Variants in MUC6 observed in about 807,000 individuals in gnomAD.
MUC6 encodes the protein mucin 6, oligomeric mucus/gel-forming (gene/pseudogene).
In MUC6, 188 loss-of-function variants were observed where a neutral mutation model predicts 201.5. That is an observed-to-expected ratio of 0.93 (90% CI 0.83 to 1.05). The LOEUF is 1.05. MUC6 is among the 50% of genes least tolerant of loss of function. The probability of loss-of-function intolerance (pLI) is 0.00; values close to 1 mark genes in which losing one functional copy is unlikely to be tolerated. For missense variants in MUC6, 2,706 were observed against 3,256.9 expected, an observed-to-expected ratio of 0.83 and a Z score of 4.12; for synonymous variants, 1,228 against 1,389.4, an observed-to-expected ratio of 0.88 and a Z score of 2.58.
intron 30 of MUC6, 96 bp downstream of exon 30, chr11:1,019,179 T>TA: frequency 7.3e-7 from 1 of 1,370,788 alleles, no homozygotes; most frequent in South Asian, 1.3e-5. Flanking sequence ...CTCTGGGAAA[T>TA]ACGGGGTCTT....
In MUC6 at chr11:1,024,122, G is replaced by A. The variant is rs763129760; in HGVS notation, c.3226-19C>T. 19 of 1,606,630 alleles carry A rather than the reference G, an allele frequency of 1.2e-5. No homozygotes were observed. Among genetic ancestry groups the A allele is most frequent in the Non-Finnish European group, 1.4e-5 (17 of 1,176,872 alleles). On this transcript the variant is annotated intron_variant, in intron 24 of 32. Transcript: ENST00000421673. ...GGTATACCTGCAGGGGTGTGTGCCA[G>A]TCAGTGTCTGGCTGCCGGGGGATGG...
At chr11:1,031,460 G>C (rs1857103071) in intron 4 of MUC6, 147 bp downstream of exon 4, 1 of 1,319,482 alleles carries the variant, frequency 7.6e-7, no homozygotes, top group Non-Finnish European at 1.0e-6. Flanking sequence ...TTGCTGGTCA[G>C]GGGTCAGCAC....
rs760912439 is a variant in MUC6 at position 1,027,790 on chromosome 11, C to T, written c.1876G>A (p.Glu626Lys). ...GCACAGATGTGGGGAAAGGTCTCCT[C>T]GTAGTTGCAGGCCTGGTACACGCAC... is the stretch of plus-strand genomic sequence containing the variant. ...KRCVYQACNY[E>K]ETFPHICAAL... Residue 626 changes from glutamate to lysine, a missense_variant, in exon 16 of 33, where the codon GAG becomes AAG. Coordinates refer to ENST00000421673, the MANE Select transcript of MUC6 (RefSeq NM_005961.3). 44 of 1,611,048 alleles carry T rather than the reference C, an allele frequency of 2.7e-5. No homozygotes were observed. The highest frequency in any genetic ancestry group is 1.8e-4 in the Admixed American group (11 of 59,820).
chr11:1,022,271 G>A (rs1210900151), intron 26 of MUC6, among the ~76,000 whole-genome samples: 4 of 120,298 alleles, frequency 3.3e-5, no homozygotes, highest in Admixed American at 8.9e-5. Context: ...CGCCCCACTC[G>A]CTCCTTCTGC....
At chr11:1,022,305 C>T (rs1203883776) in intron 26 of MUC6, among the ~76,000 whole-genome samples, 1 of 147,900 alleles carries the variant, frequency 6.8e-6, no homozygotes, top group Non-Finnish European at 1.5e-5. Context: ...GCGCCCCTCA[C>T]TCACTCCATC....
chr11:1,025,285 G>T lies in MUC6; in HGVS notation c.2882C>A (p.Ala961Glu), dbSNP rs754710166. ...PHVQLGVTPG[A>E]LSLVVDISIP... ...GCTGATGTCCACGACAAGGCTCAGC[G>T]CACCCGGCGTCACCCCGAGCTGCAC... is the stretch of plus-strand genomic sequence containing the variant. Residue 961 changes from alanine to glutamate, a missense_variant, in exon 23 of 33, where the codon GCG becomes GAG. Around this residue, in one of 10 missense-constraint regions of MUC6, gnomAD observed 1,850 missense variants for 1,958.3 expected, o/e 0.94. Coordinates refer to ENST00000421673, the MANE Select transcript of MUC6 (RefSeq NM_005961.3). 6 of 1,612,638 alleles carry T rather than the reference G, an allele frequency of 3.7e-6. No individual in the cohort carries two copies. The highest frequency in any genetic ancestry group is 3.3e-5 in the South Asian group (3 of 91,092).
At chr11:1,030,366 T>TGGCCCCCCCCC in intron 7 of MUC6, 31 bp from the exon 8 acceptor site, 2 of 1,489,580 alleles carry the variant, frequency 1.3e-6, no homozygotes, top group Non-Finnish European at 1.8e-6. Context: ...GGTGAGAGGG[T>TGGCCCCCCCCC]CCCACCCCCC....
chr11:1,028,605 G>A (rs755734020), intron 13 of MUC6, 41 bp downstream of exon 13: 3 of 1,595,142 alleles, frequency 1.9e-6, no homozygotes, highest in Non-Finnish European at 2.6e-6. Flanking sequence ...AGACCCTGTA[G>A]GGATGAGGCA....
Position 1,017,675 on chromosome 11 carries a change from G to A in MUC6, c.5126C>T (p.Thr1709Ile). The change falls in exon 31 of 33, where the codon ACT (threonine) becomes ATT (isoleucine). Residue 1709 changes from threonine (T) to isoleucine (I), a missense_variant. Physicochemically the swap from Thr to Ile is moderately conservative, Grantham distance 89. Around this residue, in one of 10 missense-constraint regions of MUC6, gnomAD observed 32 missense variants for 181.6 expected, o/e 0.18. Transcript: ENST00000421673. Reference protein sequence around the residue: ...SSTHHAEATSTSTTNITPNPT... With the variant: ...SSTHHAEATSISTTNITPNPT... ...GTTGGGGGTGATGTTGGTGGTAGAA[G>A]TTGAGGTGGCTTCAGCATGGTGTGT... is the stretch of plus-strand genomic sequence containing the variant. 1 of 1,514,246 alleles carries A rather than the reference G, an allele frequency of 6.6e-7. No homozygotes were observed. Among genetic ancestry groups the A allele is most frequent in the Non-Finnish European group, 8.9e-7 (1 of 1,124,334 alleles). 93.8% of individuals were successfully genotyped at this position (1,514,246 alleles called of 1,614,324 possible).
chr11:1,025,625 A>C (rs967785101), intron 22 of MUC6, among the ~76,000 whole-genome samples, 180 bp downstream of exon 22: 1 of 152,160 alleles, frequency 6.6e-6, no homozygotes, highest in African/African-American at 2.4e-5. Context: ...TGTGGGGCAC[A>C]AGCACCCGTG....
intron 25 of MUC6, 30 bp from the exon 26 acceptor site, chr11:1,023,682 G>T (rs72842416): frequency 6.2e-7 from 1 of 1,607,838 alleles, no homozygotes; most frequent in Admixed American, 1.7e-5. Context: ...CAGCTGGTGG[G>T]GTTCCTGGCC....
intron 31 of MUC6, 124 bp downstream of exon 31, chr11:1,015,638 G>A: frequency 7.1e-7 from 1 of 1,417,632 alleles, no homozygotes; most frequent in Non-Finnish European, 9.2e-7. Context: ...GTGTAGGGAA[G>A]GCAGGGAACA....
At position 1,023,976 on chromosome 11, in the gene MUC6, C is replaced by G; in HGVS notation, c.3353G>C (p.Cys1118Ser). ...YAQACLDKGV[C>S]VDWRTPAFCP... ...GAAGGCCGGGGTCCTCCAGTCCACG[C>G]ACACACCCTTGTCCAGACAGGCTTG... is the stretch of plus-strand genomic sequence containing the variant. Residue 1118 changes from cysteine (C) to serine (S), a missense_variant, in exon 25 of 33, where the codon TGC becomes TCC. Coordinates refer to ENST00000421673, the MANE Select transcript of MUC6 (RefSeq NM_005961.3). 6.2e-7 allele frequency: 1 copy of G among 1,612,800 alleles called. No individual in the cohort carries two copies. Among genetic ancestry groups the G allele is most frequent in the Non-Finnish European group, 8.5e-7 (1 of 1,179,688 alleles).
chr11:1,021,333 C>G, intron 26 of MUC6, 56 bp from the exon 27 acceptor site: 13 of 1,069,006 alleles, frequency 1.2e-5, no homozygotes, highest in Non-Finnish European at 1.7e-5. Context: ...GGCCCACCTG[C>G]GTGTTTCCTG....
At chr11:1,024,259 G>A (rs1321533397) in intron 24 of MUC6, among the ~76,000 whole-genome samples, 156 bp from the exon 25 acceptor site, 1 of 152,156 alleles carries the variant, frequency 6.6e-6, no homozygotes, top group Non-Finnish European at 1.5e-5. Flanking sequence ...AGCCCTGACC[G>A]CTAGCCACGC....
intron 2 of MUC6, among the ~76,000 whole-genome samples, 199 bp downstream of exon 2, chr11:1,032,814 A>G (rs747014786): frequency 2.9e-5 from 4 of 139,890 alleles, no homozygotes. Context: ...GTACATGTGT[A>G]TGCGTGTGTC....
chr11:1,018,676 TGG>T lies in MUC6; in HGVS notation c.4123_4124del (p.Pro1375ThrfsTer21). ...TGGGCCTCGTGGGTTGTCCTGGCTG[TGG>T]GGTGGTTGGGCCTGTGGTGCTTGCT... is the stretch of plus-strand genomic sequence containing the variant. ...TPASTTGPTT[P>X]QPGQPTRPTA... On this transcript the variant is annotated frameshift_variant, in exon 31 of 33. Coordinates refer to ENST00000421673, the MANE Select transcript of MUC6 (RefSeq NM_005961.3). LOFTEE classifies it high-confidence loss of function. 5 of 1,612,788 alleles carry T rather than the reference TGG, an allele frequency of 3.1e-6. No homozygotes were observed. The highest frequency in any genetic ancestry group is 4.2e-6 in the Non-Finnish European group (5 of 1,179,442).
chr11:1,022,907 C>T (rs1203192730), intron 26 of MUC6, among the ~76,000 whole-genome samples: 7 of 151,068 alleles, frequency 4.6e-5, no homozygotes, highest in Admixed American at 1.3e-4. Context: ...AATGAATGTG[C>T]GTGAATGTGC....
chr11:1,028,386 C>T lies in MUC6; in HGVS notation c.1593G>A (p.Gly531=), dbSNP rs1201063395. Residue 531 remains glycine, a splice_region_variant and synonymous_variant, in exon 14 of 33, where the codon GGG becomes GGA. Transcript: ENST00000421673. The part of the protein sequence containing the change: ...VGPQFRGQTR[G]LCGNFNGDTT... ...TGTCCCCGTTGAAGTTGCCGCAGAGCCCTGAGCCGGCGGGGCGTGAGCTCG... is the reference window on the plus strand; with the variant it reads ...TGTCCCCGTTGAAGTTGCCGCAGAGTCCTGAGCCGGCGGGGCGTGAGCTCG... 3 of 1,611,664 alleles carry T rather than the reference C, an allele frequency of 1.9e-6. No homozygotes were observed. Among genetic ancestry groups the T allele is most frequent in the African/African-American group, 1.3e-5 (1 of 74,930 alleles).
Sources: gnomAD v4.1 joint callset for allele counts (sites outside exome capture counted in the v4.1 genomes callset) on GRCh38, gnomAD v4.1.1 for gene constraint, gnomAD v4.1.1 regional missense constraint, MANE v1.5 for transcripts, NCBI Gene and HGNC (gene_info 2026-07-23, HGNC 2026-07-21) for gene names.